CDH18: variants seen among roughly 807,000 people sequenced by gnomAD.
CDH18 encodes the protein cadherin 18.
Under a neutral mutation model 67.9 loss-of-function variants are expected in CDH18, and 31 were observed. The observed-to-expected ratio is 0.46, with a 90% CI of 0.34 to 0.62. CDH18 has a LOEUF of 0.62. CDH18 is among the 20% of genes least tolerant of loss of function. The pLI is 0.01. For missense variants in CDH18, 890 were observed against 975.5 expected (o/e 0.91, Z 1.17); for synonymous variants, 362 against 347.2 (o/e 1.04, Z -0.48).
intron 3 of CDH18, among the ~76,000 whole-genome samples, chr5:19,766,496 A>G (rs1051544111): frequency 6.6e-6 from 1 of 152,120 alleles, no homozygotes; most frequent in African/African-American, 2.4e-5. Flanking sequence ...AAGTGGTCTC[A>G]TTACCTCTGT....
At chr5:19,881,201 G>C (rs1016389858) in intron 2 of CDH18, among the ~76,000 whole-genome samples, 9 of 152,170 alleles carry the variant, frequency 5.9e-5, no homozygotes, top group Non-Finnish European at 1.2e-4. Context: ...AAAGGGAAGA[G>C]AGTAAGTCCT....
intron 2 of CDH18, among the ~76,000 whole-genome samples, chr5:20,120,340 T>C (rs1031267539): frequency 6.6e-6 from 1 of 152,190 alleles, no homozygotes; most frequent in Non-Finnish European, 1.5e-5. Flanking sequence ...TGCCAGGCTT[T>C]ATTCTATGGC....
intron 5 of CDH18, among the ~76,000 whole-genome samples, chr5:19,630,854 G>C (rs1303078557): frequency 6.6e-6 from 1 of 152,102 alleles, no homozygotes; most frequent in Non-Finnish European, 1.5e-5. Context: ...CAGGATTATA[G>C]AGCAAGACCT....
chr5:20,537,696 AG>A (rs1756807908), intron 1 of CDH18, among the ~76,000 whole-genome samples: 1 of 152,168 alleles, frequency 6.6e-6, no homozygotes, highest in South Asian at 2.1e-4. Context: ...ACTGGCACAA[AG>A]ATCATCTGGC....
chr5:20,467,932 TTTAC>T (rs1420587395), intron 1 of CDH18, among the ~76,000 whole-genome samples: 1 of 152,008 alleles, frequency 6.6e-6, no homozygotes, highest in Admixed American at 6.6e-5. Context: ...ATTTATTTTC[TTTAC>T]TTACTTTTTA....
intron 1 of CDH18, among the ~76,000 whole-genome samples, chr5:20,515,257 C>T (rs1216726589): frequency 6.8e-6 from 1 of 147,742 alleles, no homozygotes; most frequent in East Asian, 2.0e-4. Context: ...TTCCCAGTGG[C>T]AGAGTGTCCA....
At chr5:19,762,322 A>G (rs1436643261) in intron 3 of CDH18, among the ~76,000 whole-genome samples, 1 of 152,180 alleles carries the variant, frequency 6.6e-6, no homozygotes, top group East Asian at 1.9e-4. Flanking sequence ...AGAATGGGAG[A>G]AAATTTTTGC....
chr5:20,128,266 C>T (rs1038376169), intron 2 of CDH18, among the ~76,000 whole-genome samples: 1 of 151,972 alleles, frequency 6.6e-6, no homozygotes, highest in Admixed American at 6.6e-5. Flanking sequence ...AATAAAAGAT[C>T]ACATGAAGAA....
chr5:20,520,168 T>A (rs1257650608), intron 1 of CDH18, among the ~76,000 whole-genome samples: 1 of 151,770 alleles, frequency 6.6e-6, no homozygotes, highest in East Asian at 1.9e-4. Context: ...CTGAAGATTA[T>A]CTGGGACTGA....
intron 5 of CDH18, among the ~76,000 whole-genome samples, chr5:19,618,541 T>C (rs964049721): frequency 1.3e-5 from 2 of 152,136 alleles, no homozygotes; most frequent in Admixed American, 6.5e-5. Context: ...GTTCAGTTTT[T>C]CATTTATTCA....
Position 19,840,288 on chromosome 5 carries a change from GAA to G in CDH18, c.-256-1048_-256-1047del, listed in dbSNP as rs70954608. On this transcript the variant is annotated intron_variant, in intron 2 of 12. Coordinates refer to ENST00000382275, the MANE Select transcript of CDH18 (RefSeq NM_004934.5). ...GGACTCCGTCTCAAAAAAAAAAAAA[GAA>G]AAAAAAAAAAACAACACGTTGAAGA... Among the ~76,000 whole-genome samples the G allele has an allele frequency of 1.9e-3, 247 of 128,056 alleles. 3 individuals carry two copies. The highest frequency in any genetic ancestry group is 5.8e-3 in the African/African-American group (192 of 33,124). The allele number at this position is 128,056 out of a possible 152,430, so 84.0% of individuals were successfully genotyped here.
intron 3 of CDH18, among the ~76,000 whole-genome samples, chr5:19,830,929 G>A (rs865795929): frequency 3.9e-5 from 6 of 151,938 alleles, no homozygotes; most frequent in Non-Finnish European, 5.9e-5. Context: ...ACAAACTAAC[G>A]CAGGAAGAGA....
chr5:20,027,104 T>G (rs73053518), intron 2 of CDH18, among the ~76,000 whole-genome samples: 2,515 of 152,046 alleles, frequency 0.017, 76 homozygotes, highest in African/African-American at 0.058. Flanking sequence ...ACCTTGTTGC[T>G]TTTATAAATA....
At chr5:19,476,634 TGAG>T (rs1738516654) in intron 12 of CDH18, among the ~76,000 whole-genome samples, 1 of 152,060 alleles carries the variant, frequency 6.6e-6, no homozygotes, top group Non-Finnish European at 1.5e-5. Context: ...TATAATTAAA[TGAG>T]GAGGCTGTTC....
chr5:20,047,871 AATC>A (rs1741049065), intron 2 of CDH18, among the ~76,000 whole-genome samples: 1 of 151,766 alleles, frequency 6.6e-6, no homozygotes, highest in Non-Finnish European at 1.5e-5. Flanking sequence ...AGCTTTCAGA[AATC>A]ATCAAATGCA....
intron 3 of CDH18, among the ~76,000 whole-genome samples, chr5:19,808,592 G>A (rs1002153190): frequency 3.3e-5 from 5 of 152,114 alleles, no homozygotes; most frequent in South Asian, 2.1e-4. Flanking sequence ...TAGGGAGGCC[G>A]AGGTGGGTGA....
chr5:20,168,142 C>A (rs1258196073), intron 2 of CDH18, among the ~76,000 whole-genome samples: 1 of 152,082 alleles, frequency 6.6e-6, no homozygotes, highest in Admixed American at 6.6e-5. Flanking sequence ...CGTAATTTTG[C>A]TTCACCAAGC....
intron 1 of CDH18, among the ~76,000 whole-genome samples, chr5:20,329,133 A>G (rs550974100): frequency 2.0e-5 from 3 of 152,290 alleles, no homozygotes; most frequent in East Asian, 3.9e-4. Flanking sequence ...GCTATAAACC[A>G]TTCCTGAGGG....
chr5:20,305,662 G>A, intron 1 of CDH18: 1 of 421,764 alleles, frequency 2.4e-6, no homozygotes, highest in East Asian at 5.5e-5. Context: ...GGGGAGCGGC[G>A]GTAGGGGAGA....
Sources: gnomAD v4.1 joint callset for allele counts (sites outside exome capture counted in the v4.1 genomes callset) on GRCh38, gnomAD v4.1.1 for gene constraint, MANE v1.5 for transcripts, NCBI Gene and HGNC (gene_info 2026-07-23, HGNC 2026-07-21) for gene names.